Variants in ATG2B observed in about 807,000 individuals in gnomAD.
ATG2B encodes the protein autophagy related 2B, also known as autophagy-related protein 2 homolog B.
Under a neutral mutation model 241.3 loss-of-function variants are expected in ATG2B, and 121 were observed. That is an observed-to-expected ratio of 0.50 (90% CI 0.43 to 0.58). The LOEUF is 0.58. Ranked by LOEUF, ATG2B falls within the 20% of genes least tolerant of loss-of-function variation. ATG2B has a pLI of 0.00. For missense variants in ATG2B, 2,306 were observed against 2,491.6 expected, an observed-to-expected ratio of 0.93 and a Z score of 1.59; for synonymous variants, 858 against 876.6, an observed-to-expected ratio of 0.98 and a Z score of 0.37.
rs201809348 is a variant in ATG2B at position 96,307,512 on chromosome 14, T to C, written c.4304-596A>G. On this transcript the variant is annotated intron_variant, in intron 29 of 41. Coordinates refer to ENST00000359933, the MANE Select transcript of ATG2B (RefSeq NM_018036.7). ...ACAGTTTCCTCCCAGTTAGTTGGCGTTGGGGAAGCTCAGCAGTTGCTGGTT... is the reference window on the plus strand; with the variant it reads ...ACAGTTTCCTCCCAGTTAGTTGGCGCTGGGGAAGCTCAGCAGTTGCTGGTT... 6.6e-5 allele frequency among the ~76,000 whole-genome samples: 10 copies of C among 152,250 alleles called. No homozygotes were observed. The East Asian group carries it at 1.9e-3, about 29-fold the overall frequency.
At chr14:96,329,778 G>A (rs1219634124) in intron 11 of ATG2B, 144 bp from the exon 12 acceptor site, 6 of 547,882 alleles carry the variant, frequency 1.1e-5, no homozygotes, top group Admixed American at 3.5e-5. Flanking sequence ...CTTTCCTTAA[G>A]ATAAAAAATC....
chr14:96,304,575 G>C lies in ATG2B; in HGVS notation c.4762C>G (p.Pro1588Ala). 2 of 1,608,216 alleles carry C rather than the reference G, an allele frequency of 1.2e-6. No homozygotes were observed. The highest frequency in any genetic ancestry group is 8.5e-7 in the Non-Finnish European group (1 of 1,176,970). The change falls in exon 32 of 42, where the codon CCC (proline) becomes GCC (alanine). Residue 1588 changes from proline (P) to alanine (A), a missense_variant. Pro to Ala is a conservative substitution (Grantham distance 27). Coordinates refer to ENST00000359933, the MANE Select transcript of ATG2B (RefSeq NM_018036.7). ...ACTGTATTACGTCCATGTCTCGTGG[G>C]TGTGTGAGAAGGCGAACTGTGGGGA... The part of the protein sequence containing the change: ...ISPHSSPSHT[P>A]TRHGRNTVCG...
rs1887156856 is a variant in ATG2B, at chr14:96,311,557, A to C, written c.3975T>G (p.Asp1325Glu). ...AATAACTCACTTGCTCTCCATCAGAATCAGACTTCACTGCAGTTATGGTTA... is the reference window on the plus strand; with the variant it reads ...AATAACTCACTTGCTCTCCATCAGACTCAGACTTCACTGCAGTTATGGTTA... ...LELTITAVKS[D>E]SDGEQTEPRF... is the part of the protein sequence containing the mutation. The change falls in exon 27 of 42, where the codon GAT becomes GAG. Residue 1325 changes from aspartate to glutamate, a missense_variant. This residue lies in a region of ATG2B where 1,927 missense variants were observed against 2,011.2 expected (regional missense o/e 0.96). Coordinates refer to ENST00000359933, the MANE Select transcript of ATG2B (RefSeq NM_018036.7). 2 of 1,606,802 alleles carry C rather than the reference A, an allele frequency of 1.2e-6. No homozygotes were observed. The highest frequency in any genetic ancestry group is 1.7e-5 in the Admixed American group (1 of 59,890).
chr14:96,287,691 G>C (rs1886376295), intron 41 of ATG2B, among the ~76,000 whole-genome samples: 1 of 152,240 alleles, frequency 6.6e-6, no homozygotes, highest in Admixed American at 6.5e-5. Context: ...GTAAGTGCCT[G>C]ACTACCACCA....
At chr14:96,308,245 T>TAC (rs1887026392) in intron 29 of ATG2B, among the ~76,000 whole-genome samples, 8 of 27,714 alleles carry the variant, frequency 2.9e-4, no homozygotes, top group Non-Finnish European at 4.6e-4. Flanking sequence ...TATATATATA[T>TAC]ATATATACAC....
At chr14:96,359,766 C>T (rs193255452) in intron 1 of ATG2B, among the ~76,000 whole-genome samples, 8 of 152,270 alleles carry the variant, frequency 5.3e-5, no homozygotes, top group African/African-American at 1.9e-4. Context: ...CTTCATGCCA[C>T]GTTTAAGGTA....
intron 1 of ATG2B, among the ~76,000 whole-genome samples, chr14:96,352,790 T>C (rs1888364546): frequency 6.6e-6 from 1 of 150,502 alleles, no homozygotes; most frequent in South Asian, 2.1e-4. Context: ...TAACTTATTA[T>C]TGAAAAAAAA....
intron 1 of ATG2B, among the ~76,000 whole-genome samples, chr14:96,361,104 T>C (rs983830689): frequency 6.6e-6 from 1 of 152,334 alleles, no homozygotes; most frequent in East Asian, 1.9e-4. Flanking sequence ...ATTATCATTT[T>C]AGTTTACAAA....
chr14:96,304,445 C>G (rs1474153233), intron 32 of ATG2B, 50 bp downstream of exon 32: 1 of 1,412,114 alleles, frequency 7.1e-7, no homozygotes, highest in Non-Finnish European at 1.0e-6. Context: ...CAAAAGAACC[C>G]CCCGCCAATA....
Position 96,329,384 on chromosome 14 carries a change from C to T in ATG2B, c.1881+100G>A, listed in dbSNP as rs1595315768. ...GAAAATGACAATATTCCTCCTATGGCTTTCTATACATTTTTAAAGAAAATC... is the reference window on the plus strand; with the variant it reads ...GAAAATGACAATATTCCTCCTATGGTTTTCTATACATTTTTAAAGAAAATC... On this transcript the variant is annotated intron_variant, in intron 12 of 41. Coordinates refer to ENST00000359933, the MANE Select transcript of ATG2B (RefSeq NM_018036.7). The T allele has an allele frequency of 5.7e-5, 45 of 783,834 alleles. No individual in the cohort carries two copies. In the East Asian group the frequency reaches 1.3e-3, roughly 22 times the overall value. 48.6% of individuals were successfully genotyped at this position (783,834 alleles called of 1,614,324 possible).
At position 96,340,346 on chromosome 14, in the gene ATG2B, A is replaced by C. The variant is rs149494748; in HGVS notation, c.924+1176T>G. 5.4e-3 allele frequency among the ~76,000 whole-genome samples: 812 copies of C among 151,482 alleles called. 27 individuals carry two copies. In the South Asian group the frequency reaches 0.068, roughly 13 times the overall value. On this transcript the variant is annotated intron_variant, in intron 6 of 41. Transcript: ENST00000359933. Reference sequence around the variant, plus strand: ...GGATAAAGAAAATGTGGTATATATGAACAATGGAATATTATTCAACCATAA... The same window carrying C: ...GGATAAAGAAAATGTGGTATATATGCACAATGGAATATTATTCAACCATAA...
intron 18 of ATG2B, 146 bp downstream of exon 18, chr14:96,321,966 C>T (rs767148075): frequency 5.5e-5 from 33 of 597,024 alleles, no homozygotes; most frequent in African/African-American, 4.9e-4. Flanking sequence ...CACATCATAA[C>T]GGCAATAGTC....
intron 13 of ATG2B, 41 bp from the exon 14 acceptor site, chr14:96,328,576 A>G: frequency 1.9e-6 from 3 of 1,563,182 alleles, no homozygotes; most frequent in Non-Finnish European, 2.6e-6. Context: ...TACAATCACT[A>G]AAAACTACTA....
rs891847444 is a variant in ATG2B, at chr14:96,280,725, A to C, written c.*5030T>G. On this transcript the variant is annotated 3_prime_UTR_variant, in exon 42 of 42. Transcript: ENST00000359933. ...GTGAAACCTCGTCTCTACTAAAAAA[A>C]CAAAAAATTTGTGGGGCGTGGTGGC... 1 of 152,068 alleles carries C rather than the reference A, an allele frequency of 6.6e-6. No individual in the cohort carries two copies. The highest frequency in any genetic ancestry group is 1.5e-5 in the Non-Finnish European group (1 of 68,040). 9.4% of individuals were successfully genotyped at this position (152,068 alleles called of 1,614,324 possible).
chr14:96,337,178 G>A (rs1335159607), intron 6 of ATG2B, among the ~76,000 whole-genome samples: 1 of 152,194 alleles, frequency 6.6e-6, no homozygotes, highest in Non-Finnish European at 1.5e-5. Flanking sequence ...AACTGGGACA[G>A]GTAAGTGGCT....
intron 41 of ATG2B, among the ~76,000 whole-genome samples, chr14:96,288,001 C>A (rs77415781): frequency 0.035 from 3,878 of 109,954 alleles, 163 homozygotes; most frequent in African/African-American, 0.14. Flanking sequence ...ATACCAAGCA[C>A]CACTTAGGAA....
chr14:96,322,101 T>C lies in ATG2B; in HGVS notation c.2879+11A>G, dbSNP rs1182932509. 6.6e-7 allele frequency: 1 copy of C among 1,517,690 alleles called. No homozygotes were observed. Among genetic ancestry groups the C allele is most frequent in the Non-Finnish European group, 8.8e-7 (1 of 1,138,608 alleles). 94.0% of individuals were successfully genotyped at this position (1,517,690 alleles called of 1,614,324 possible). ...GATTCCAAAGATTCAACTAAATGTGTATAAACTCACCTATTATAAAGCTTC... is the reference window on the plus strand; with the variant it reads ...GATTCCAAAGATTCAACTAAATGTGCATAAACTCACCTATTATAAAGCTTC... On this transcript the variant is annotated intron_variant, in intron 18 of 41. Coordinates refer to ENST00000359933, the MANE Select transcript of ATG2B (RefSeq NM_018036.7).
chr14:96,303,336 A>G, intron 32 of ATG2B, 81 bp from the exon 33 acceptor site: 1 of 1,175,792 alleles, frequency 8.5e-7, no homozygotes, highest in Non-Finnish European at 1.1e-6. Flanking sequence ...AAAATGCAAA[A>G]TATCACTCAT....
At chr14:96,320,050 A>G (rs1003674414) in intron 18 of ATG2B, among the ~76,000 whole-genome samples, 8 of 152,192 alleles carry the variant, frequency 5.3e-5, no homozygotes, top group Admixed American at 3.9e-4. Flanking sequence ...TAAGCAATCC[A>G]TTAAACCAAC....
Sources: allele counts gnomAD v4.1 joint callset (sites outside exome capture counted in the v4.1 genomes callset), GRCh38; gene constraint gnomAD v4.1.1; regional missense constraint gnomAD v4.1.1; transcripts MANE v1.5; gene names NCBI Gene and HGNC (gene_info 2026-07-23, HGNC 2026-07-21).